AKAP12: variants seen among roughly 807,000 people sequenced by gnomAD.
AKAP12 encodes A-kinase anchoring protein 12.
A neutral mutation model predicts 79.9 loss-of-function variants in AKAP12; 32 were observed. That is an observed-to-expected ratio of 0.40 (90% confidence interval 0.30 to 0.54). The LOEUF (loss-of-function observed/expected upper bound fraction) is 0.54, where lower values mean the gene tolerates loss of function less well. Ranked by LOEUF, AKAP12 falls within the 20% of genes least tolerant of loss-of-function variation. The pLI, the probability that AKAP12 is intolerant of heterozygous loss-of-function variation, is 0.48. For synonymous variants in AKAP12, 808 were observed against 857.0 expected, an observed-to-expected ratio of 0.94 and a Z score of 1.00; for missense variants, 2,074 against 2,177.0, an observed-to-expected ratio of 0.95 and a Z score of 0.94.
intron 3 of AKAP12, chr6:151,341,910 T>C (rs1777960681): frequency 1.5e-6 from 1 of 676,516 alleles, no homozygotes; most frequent in Non-Finnish European, 2.1e-6. Flanking sequence ...GCCCAGGCTG[T>C]AGAGCCGCCC....
chr6:151,325,824 C>T (rs374560107), intron 3 of AKAP12: 13 of 1,613,914 alleles, frequency 8.1e-6, no homozygotes, highest in Non-Finnish European at 1.1e-5. Context: ...CAGGGACCCG[C>T]TAAGCTGATC....
Position 151,353,719 on chromosome 6 carries a change from G to C in AKAP12, c.5328G>C (p.Lys1776Asn). ...ELQKQERESA[K>N]SELTES ...AGAAACAAGAGAGAGAATCTGCAAA[G>C]TCAGAACTTACAGAATCTTAAAACA... is the stretch of plus-strand genomic sequence containing the variant. The change falls in exon 4 of 5, where the codon AAG becomes AAC. Residue 1776 changes from lysine (K) to asparagine (N), a missense_variant. Lys to Asn is a moderately conservative substitution (Grantham distance 94, BLOSUM62 0). This residue lies in a region of AKAP12 where 614 missense variants were observed against 665.6 expected (regional missense o/e 0.92). Transcript: ENST00000402676. The C allele has an allele frequency of 6.3e-7, 1 of 1,593,700 alleles. No homozygotes were observed. The highest frequency in any genetic ancestry group is 8.5e-7 in the Non-Finnish European group (1 of 1,171,884).
chr6:151,252,145 C>T (rs7767779), intron 2 of AKAP12, among the ~76,000 whole-genome samples: 2 of 151,822 alleles, frequency 1.3e-5, no homozygotes, highest in Admixed American at 6.6e-5. Flanking sequence ...TGGAGGCCAT[C>T]GAGGCTTTTG....
intron 2 of AKAP12, among the ~76,000 whole-genome samples, chr6:151,251,081 T>G (rs980904356): frequency 6.6e-6 from 1 of 152,186 alleles, no homozygotes; most frequent in Non-Finnish European, 1.5e-5. Flanking sequence ...AGAATTGCCA[T>G]TAGTACTACT....
At position 151,240,606 on chromosome 6, in the gene AKAP12, C is replaced by T. The variant is rs898508650; in HGVS notation, c.44C>T (p.Pro15Leu). Residue 15 changes from proline to leucine, a missense_variant, in exon 2 of 5, where the codon CCG (proline) becomes CTG (leucine). Physicochemically the swap from Pro to Leu is moderately conservative, Grantham distance 98. Around this residue, in one of 3 missense-constraint regions of AKAP12, gnomAD observed 1,428 missense variants for 1,451.0 expected, o/e 0.98. Transcript: ENST00000402676. Reference protein sequence around the residue: ...SSTEQRSPEQPPEGSSTPAEP... With the variant: ...SSTEQRSPEQLPEGSSTPAEP... ...ACCGAGCAGCGCAGCCCGGAGCAGC[C>T]GCCCGAGGGGAGCTCCACGCCGGCT... 1.4e-6 allele frequency: 2 copies of T among 1,420,044 alleles called. No homozygotes were observed. The highest frequency in any genetic ancestry group is 3.0e-5 in the Admixed American group (1 of 33,764). The allele number at this position is 1,420,044 out of a possible 1,614,324, so 88.0% of individuals were successfully genotyped here. A position where few individuals can be genotyped will look rare whatever the true frequency, so the allele number is the denominator to read the frequency against.
chr6:151,320,647 G>C (rs1418404973), intron 3 of AKAP12, among the ~76,000 whole-genome samples: 2 of 152,004 alleles, frequency 1.3e-5, no homozygotes, highest in South Asian at 4.2e-4. Context: ...CATCTTGTGG[G>C]CACCGTGACT....
intron 3 of AKAP12, among the ~76,000 whole-genome samples, chr6:151,314,178 C>T (rs1197359502): frequency 6.6e-6 from 1 of 152,010 alleles, no homozygotes; most frequent in African/African-American, 2.4e-5. Flanking sequence ...CAGGCGTGCA[C>T]CACCACGCCC....
At chr6:151,282,612 C>T (rs975490044) in intron 2 of AKAP12, among the ~76,000 whole-genome samples, 1 of 152,152 alleles carries the variant, frequency 6.6e-6, no homozygotes, top group Non-Finnish European at 1.5e-5. Context: ...CTTTTGGTTG[C>T]TGCGGGGGAA....
intron 2 of AKAP12, chr6:151,280,646 C>CTTTTT (rs55889576): frequency 8.4e-6 from 1 of 119,524 alleles, no homozygotes; most frequent in Non-Finnish European, 1.7e-5. Flanking sequence ...TTTTCATTTT[C>CTTTTT]TTTTTTTTTT....
intron 3 of AKAP12, among the ~76,000 whole-genome samples, chr6:151,314,845 G>C (rs1777200157): frequency 6.6e-6 from 1 of 152,048 alleles, no homozygotes; most frequent in Non-Finnish European, 1.5e-5. Flanking sequence ...ACAAGGTCAG[G>C]AGTTCGAGAC....
At chr6:151,346,318 A>G (rs535831385) in intron 3 of AKAP12, among the ~76,000 whole-genome samples, 1 of 152,288 alleles carries the variant, frequency 6.6e-6, no homozygotes, top group East Asian at 1.9e-4. Context: ...GTAAACACTT[A>G]TATACACTTG....
chr6:151,339,444 G>T (rs1388440327), intron 3 of AKAP12, among the ~76,000 whole-genome samples: 1 of 152,166 alleles, frequency 6.6e-6, no homozygotes, highest in African/African-American at 2.4e-5. Context: ...GCAGTTTCAG[G>T]TTCACAGCAA....
intron 2 of AKAP12, among the ~76,000 whole-genome samples, chr6:151,258,682 G>A (rs755596822): frequency 1.3e-5 from 2 of 152,074 alleles, no homozygotes; most frequent in Non-Finnish European, 2.9e-5. Context: ...GTCTTGCTCT[G>A]TTGCCCAGGC....
intron 2 of AKAP12, among the ~76,000 whole-genome samples, chr6:151,294,052 C>T (rs970111233): frequency 6.6e-6 from 1 of 151,968 alleles, no homozygotes; most frequent in African/African-American, 2.4e-5. Context: ...CGACTCACCG[C>T]AACCTCCTCC....
intron 2 of AKAP12, among the ~76,000 whole-genome samples, chr6:151,259,505 T>C (rs1400963137): frequency 2.3e-4 from 14 of 59,836 alleles, no homozygotes; most frequent in African/African-American, 1.3e-3. Flanking sequence ...TACATGTATA[T>C]ATATATACAC....
chr6:151,325,700 G>T (rs1447462682), intron 3 of AKAP12: 3 of 1,459,094 alleles, frequency 2.1e-6, no homozygotes, highest in Non-Finnish European at 2.7e-6. Flanking sequence ...CAGCTCCGAG[G>T]GCACCTCCGG....
At chr6:151,334,730 T>TC (rs1161464525) in intron 3 of AKAP12, among the ~76,000 whole-genome samples, 1 of 150,244 alleles carries the variant, frequency 6.7e-6, no homozygotes, top group African/African-American at 2.4e-5. Context: ...CACGCCATTC[T>TC]CCTGCCTCAG....
chr6:151,294,037 A>C (rs1478118549), intron 2 of AKAP12, among the ~76,000 whole-genome samples: 1 of 151,554 alleles, frequency 6.6e-6, no homozygotes, highest in African/African-American at 2.4e-5. Context: ...ACAGGGGCGC[A>C]ATCTCGACTC....
intron 2 of AKAP12, among the ~76,000 whole-genome samples, chr6:151,246,763 A>G (rs1041249941): frequency 6.6e-6 from 1 of 151,912 alleles, no homozygotes; most frequent in African/African-American, 2.4e-5. Context: ...CTTTAATTTT[A>G]TTTATTTATT....
Sources: allele counts gnomAD v4.1 joint callset (sites outside exome capture counted in the v4.1 genomes callset), GRCh38; gene constraint gnomAD v4.1.1; regional missense constraint gnomAD v4.1.1; transcripts MANE v1.5; gene names NCBI Gene and HGNC (gene_info 2026-07-23, HGNC 2026-07-21).